Variants in ST18 observed in about 807,000 individuals in gnomAD.
ST18 encodes the protein ST18 C2H2C-type zinc finger transcription factor.
Under a neutral mutation model 110.0 loss-of-function variants are expected in ST18, and 50 were observed. The ratio of observed to expected loss-of-function variants is 0.45; its 90% CI spans 0.36 to 0.58. The LOEUF (loss-of-function observed/expected upper bound fraction) is 0.58, where lower values mean the gene tolerates loss of function less well. Among genes scored for constraint, ST18 ranks in the 20% least tolerant of loss-of-function variants. ST18 has a pLI of 0.00. For missense variants in ST18, 1,306 were observed against 1,280.1 expected (o/e 1.02, Z -0.31); for synonymous variants, 461 against 452.4 (o/e 1.02, Z -0.24).
At chr8:52,350,041 C>T (rs1473640382) in intron 2 of ST18, among the ~76,000 whole-genome samples, 1 of 152,142 alleles carries the variant, frequency 6.6e-6, no homozygotes, top group Non-Finnish European at 1.5e-5. Context: ...CGCAGGACCT[C>T]CCATCACAGA....
At chr8:52,400,767 C>T (rs906545242) in intron 2 of ST18, among the ~76,000 whole-genome samples, 1 of 152,072 alleles carries the variant, frequency 6.6e-6, no homozygotes, top group Non-Finnish European at 1.5e-5. Context: ...ATTTTTATAT[C>T]GCATATTTCT....
chr8:52,259,207 C>G (rs989807280), intron 2 of ST18, among the ~76,000 whole-genome samples: 1 of 152,176 alleles, frequency 6.6e-6, no homozygotes, highest in African/African-American at 2.4e-5. Context: ...TAGCAAGGGT[C>G]AACTGGACCC....
chr8:52,205,833 G>T (rs1039822121), intron 8 of ST18, among the ~76,000 whole-genome samples: 4 of 152,190 alleles, frequency 2.6e-5, no homozygotes, highest in South Asian at 4.1e-4. Flanking sequence ...CTCCCAAAGT[G>T]CTGGGATTAC....
intron 2 of ST18, among the ~76,000 whole-genome samples, chr8:52,386,633 G>C (rs1313797700): frequency 6.6e-6 from 1 of 152,082 alleles, no homozygotes. Flanking sequence ...TTTGTGAATA[G>C]ATATTTTTGT....
chr8:52,295,589 C>T (rs2095620443), intron 2 of ST18, among the ~76,000 whole-genome samples: 1 of 152,040 alleles, frequency 6.6e-6, no homozygotes, highest in Non-Finnish European at 1.5e-5. Context: ...TGACATATCT[C>T]TGACTTCCCC....
chr8:52,278,688 A>G (rs188353767), intron 2 of ST18, among the ~76,000 whole-genome samples: 10 of 152,346 alleles, frequency 6.6e-5, no homozygotes, highest in African/African-American at 2.2e-4. Flanking sequence ...GAGTAACTGA[A>G]AGAAAACTGT....
chr8:52,373,720 T>A (rs565605496), intron 2 of ST18, among the ~76,000 whole-genome samples: 2 of 152,320 alleles, frequency 1.3e-5, no homozygotes, highest in East Asian at 1.9e-4. Context: ...GTTATTCTAA[T>A]ACATTATAAT....
At position 52,166,253 on chromosome 8, in the gene ST18, T is replaced by C. The variant is rs1388268959; in HGVS notation, c.1204+599A>G. 2.6e-5 allele frequency among the ~76,000 whole-genome samples: 4 copies of C among 152,136 alleles called. No individual in the cohort carries two copies. In the South Asian group the frequency reaches 6.2e-4, roughly 24 times the overall value. On this transcript the variant is annotated intron_variant, in intron 11 of 25. Coordinates refer to ENST00000689386, the MANE Select transcript of ST18 (RefSeq NM_001352837.2). ...TTGCTAACTCTGGAGGGACTGCCCCTCCCAGGCTAGCCAATTCCCAGAGAG... is the reference window on the plus strand; with the variant it reads ...TTGCTAACTCTGGAGGGACTGCCCCCCCCAGGCTAGCCAATTCCCAGAGAG...
At chr8:52,362,038 A>G (rs1047661926) in intron 2 of ST18, among the ~76,000 whole-genome samples, 1 of 152,198 alleles carries the variant, frequency 6.6e-6, no homozygotes, top group Non-Finnish European at 1.5e-5. Flanking sequence ...TCAAAATTTT[A>G]AAAACACTAC....
intron 2 of ST18, among the ~76,000 whole-genome samples, chr8:52,332,250 T>C (rs1049060988): frequency 3.9e-5 from 6 of 152,098 alleles, no homozygotes; most frequent in Non-Finnish European, 5.9e-5. Flanking sequence ...AAATATATGA[T>C]TGATGGATCT....
intron 8 of ST18, among the ~76,000 whole-genome samples, chr8:52,209,523 G>A (rs2081334090): frequency 6.6e-6 from 1 of 151,942 alleles, no homozygotes; most frequent in African/African-American, 2.4e-5. Flanking sequence ...TGTAATCCCA[G>A]CACTTTGGGA....
At chr8:52,287,512 T>C (rs1054196320) in intron 2 of ST18, among the ~76,000 whole-genome samples, 1 of 152,138 alleles carries the variant, frequency 6.6e-6, no homozygotes, top group Non-Finnish European at 1.5e-5. Flanking sequence ...TGAAGGGGTT[T>C]TCAGACACAG....
At chr8:52,370,677 C>A (rs1829946843) in intron 2 of ST18, among the ~76,000 whole-genome samples, 1 of 152,180 alleles carries the variant, frequency 6.6e-6, no homozygotes, top group African/African-American at 2.4e-5. Flanking sequence ...TGACGGCCTG[C>A]ATCTGGGACT....
chr8:52,137,193 T>G (rs748806641), intron 18 of ST18, among the ~76,000 whole-genome samples: 4 of 152,196 alleles, frequency 2.6e-5, no homozygotes, highest in Non-Finnish European at 4.4e-5. Flanking sequence ...AAGCCTGACA[T>G]GAGCTCAACT....
chr8:52,408,724 T>C (rs1845405811), intron 2 of ST18, among the ~76,000 whole-genome samples: 1 of 152,202 alleles, frequency 6.6e-6, no homozygotes, highest in Non-Finnish European at 1.5e-5. Context: ...CTAAATTAGC[T>C]AGAGATTTTA....
chr8:52,178,195 C>T (rs183580063), intron 9 of ST18, among the ~76,000 whole-genome samples: 8 of 152,268 alleles, frequency 5.3e-5, no homozygotes, highest in African/African-American at 1.9e-4. Flanking sequence ...AAAGAATGTG[C>T]TGATGCAAAC....
intron 5 of ST18, among the ~76,000 whole-genome samples, chr8:52,219,980 A>G (rs1314269658): frequency 1.3e-5 from 2 of 152,172 alleles, no homozygotes; most frequent in Admixed American, 1.3e-4. Flanking sequence ...AAATAGTCCT[A>G]TTATTCCCTT....
chr8:52,155,672 CG>C (rs1364061761), intron 15 of ST18, among the ~76,000 whole-genome samples: 2 of 152,142 alleles, frequency 1.3e-5, no homozygotes, highest in Non-Finnish European at 2.9e-5. Flanking sequence ...TATCATCCTT[CG>C]TTATATTTTT....
At chr8:52,267,497 A>C (rs1364906552) in intron 2 of ST18, among the ~76,000 whole-genome samples, 2 of 151,234 alleles carry the variant, frequency 1.3e-5, no homozygotes, top group African/African-American at 2.4e-5. Flanking sequence ...AAAAAAAAAA[A>C]AAAAAAACCC....
Sources: gnomAD v4.1 joint callset for allele counts (sites outside exome capture counted in the v4.1 genomes callset) on GRCh38, gnomAD v4.1.1 for gene constraint, MANE v1.5 for transcripts, NCBI Gene and HGNC (gene_info 2026-07-23, HGNC 2026-07-21) for gene names.